The following ANAPC5 variants were observed in gnomAD, a reference collection of about 807,000 sequenced individuals.
ANAPC5 encodes anaphase promoting complex subunit 5, also known as anaphase-promoting complex subunit 5.
A neutral mutation model predicts 91.3 loss-of-function variants in ANAPC5; 60 were observed. The ratio of observed to expected loss-of-function variants is 0.66; its 90% confidence interval spans 0.53 to 0.81. The LOEUF (loss-of-function observed/expected upper bound fraction) is 0.81, where lower values mean the gene tolerates loss of function less well. Ranked by LOEUF, ANAPC5 falls within the 40% of genes least tolerant of loss-of-function variation. The probability of loss-of-function intolerance (pLI) is 0.00; values close to 1 mark genes in which losing one functional copy is unlikely to be tolerated. For missense variants in ANAPC5, 690 were observed against 931.5 expected, an observed-to-expected ratio of 0.74 and a Z score of 3.37; for synonymous variants, 340 against 364.1, an observed-to-expected ratio of 0.93 and a Z score of 0.75.
chr12:121,349,742 C>T (rs559202764), intron 1 of ANAPC5, among the ~76,000 whole-genome samples: 5 of 131,712 alleles, frequency 3.8e-5, no homozygotes, highest in African/African-American at 1.1e-4. Context: ...TTTTTGGAGA[C>T]GGATGCCCAG....
At chr12:121,344,268 G>A (rs1262262687) in intron 4 of ANAPC5, among the ~76,000 whole-genome samples, 1 of 152,152 alleles carries the variant, frequency 6.6e-6, no homozygotes, top group Non-Finnish European at 1.5e-5. Context: ...TGAGAGGTAT[G>A]GAGGAATAAA....
At chr12:121,330,799 G>T in intron 8 of ANAPC5, 127 bp from the exon 9 acceptor site, 1 of 677,156 alleles carries the variant, frequency 1.5e-6, no homozygotes. Context: ...ACTCTTTCAA[G>T]AAATATCAAG....
At chr12:121,351,138 A>T in intron 1 of ANAPC5, 1 of 438,462 alleles carries the variant, frequency 2.3e-6, no homozygotes, top group South Asian at 1.6e-5. Context: ...CTGGGAGACC[A>T]GACGGGAGGA....
At chr12:121,337,446 A>AG (rs1387812302) in intron 5 of ANAPC5, 54 bp from the exon 6 acceptor site, 2 of 1,296,458 alleles carry the variant, frequency 1.5e-6, no homozygotes, top group Non-Finnish European at 2.2e-6. Context: ...AAACATATGA[A>AG]AAGATATACT....
intron 11 of ANAPC5, among the ~76,000 whole-genome samples, chr12:121,326,033 C>T (rs1555272242): frequency 6.6e-6 from 1 of 152,178 alleles, no homozygotes; most frequent in African/African-American, 2.4e-5. Flanking sequence ...GGGGAAGCAA[C>T]CAGCTAGCCC....
At chr12:121,313,001 C>G (rs1354130120) in intron 15 of ANAPC5, among the ~76,000 whole-genome samples, 2 of 152,106 alleles carry the variant, frequency 1.3e-5, no homozygotes, top group African/African-American at 4.8e-5. Flanking sequence ...AAGAAGATCT[C>G]AAATCAATAA....
chr12:121,312,729 A>T (rs1566178256), intron 15 of ANAPC5, among the ~76,000 whole-genome samples: 1 of 150,590 alleles, frequency 6.6e-6, no homozygotes, highest in Non-Finnish European at 1.5e-5. Context: ...AAAAAAAAAA[A>T]ATTACCCTAG....
intron 4 of ANAPC5, 57 bp downstream of exon 4, chr12:121,345,782 C>T: frequency 6.6e-7 from 1 of 1,509,750 alleles, no homozygotes; most frequent in South Asian, 1.2e-5. Flanking sequence ...GGACTTATTG[C>T]ACTTGAAATT....
rs1315919690 is a variant in ANAPC5, at chr12:121,308,623, G to A, written c.2125C>T (p.Arg709Cys). 5.0e-6 allele frequency: 8 copies of A among 1,614,082 alleles called. No individual in the cohort carries two copies. The Admixed American group carries it at 5.0e-5, about 10-fold the overall frequency. ...NYFAKVDCKERIRDVVYFQAR... is the reference protein window; with the variant it reads ...NYFAKVDCKECIRDVVYFQAR... ...TGGAAGTAAACGACGTCCCTGATGC[G>A]CTCTTTGCAGTCAACCTTTGCAAAA... is the stretch of plus-strand genomic sequence containing the variant. Residue 709 changes from arginine to cysteine, a missense_variant, in exon 17 of 17, where the codon CGC becomes TGC. Arg to Cys is a radical substitution (Grantham distance 180). Transcript: ENST00000261819.
intron 7 of ANAPC5, chr12:121,333,863 C>T (rs1321177506): frequency 6.6e-6 from 1 of 152,056 alleles, no homozygotes; most frequent in African/African-American, 2.4e-5. Context: ...CATTTTTTTC[C>T]AGGCTAAACA....
At chr12:121,309,177 G>A (rs1181517905) in intron 16 of ANAPC5, among the ~76,000 whole-genome samples, 5 of 143,170 alleles carry the variant, frequency 3.5e-5, no homozygotes, top group Non-Finnish European at 7.5e-5. Context: ...AAGGCCGGGC[G>A]CAGTGGCTCA....
At chr12:121,319,442 C>T (rs1902510924) in intron 13 of ANAPC5, among the ~76,000 whole-genome samples, 1 of 151,930 alleles carries the variant, frequency 6.6e-6, no homozygotes, top group African/African-American at 2.4e-5. Flanking sequence ...CCATGTTGGC[C>T]AGGCTGGTCT....
chr12:121,353,917 C>G (rs1475856328), upstream of ANAPC5, among the ~76,000 whole-genome samples: 2 of 151,872 alleles, frequency 1.3e-5, no homozygotes, highest in African/African-American at 2.4e-5. Flanking sequence ...ATGCCAGGCT[C>G]AAGCAATCCT....
rs1488335969 is a variant in ANAPC5 at position 121,337,308 on chromosome 12, G to A, written c.742C>T (p.Pro248Ser). 2 of 1,613,404 alleles carry A rather than the reference G, an allele frequency of 1.2e-6. No homozygotes were observed. The highest frequency in any genetic ancestry group is 1.7e-6 in the Non-Finnish European group (2 of 1,179,496). Residue 248 changes from proline (P) to serine (S), a missense_variant, in exon 6 of 17, where the codon CCT becomes TCT. Physicochemically the swap from Pro to Ser is moderately conservative, Grantham distance 74. Coordinates refer to ENST00000261819, the MANE Select transcript of ANAPC5 (RefSeq NM_016237.5). ...KELNNLLKFNPDFAEAHYLSY... is the reference protein window; with the variant it reads ...KELNNLLKFNSDFAEAHYLSY... ...AGACTTACCGCTTCAGCAAAATCAG[G>A]ATTAAATTTCAACAAATTGTTTAAT...
intron 2 of ANAPC5, chr12:121,347,584 T>C (rs891289199): frequency 7.6e-6 from 4 of 525,042 alleles, no homozygotes; most frequent in Non-Finnish European, 3.4e-6. Flanking sequence ...TGAGCCCTGA[T>C]TGCACCATTG....
Position 121,318,590 on chromosome 12 carries a change from T to C in ANAPC5, c.1656A>G (p.Gln552=). 1 of 1,614,122 alleles carries C rather than the reference T, an allele frequency of 6.2e-7. No individual in the cohort carries two copies. The highest frequency in any genetic ancestry group is 8.5e-7 in the Non-Finnish European group (1 of 1,179,980). The change falls in exon 14 of 17, where the codon CAA becomes CAG. Residue 552 remains glutamine, a synonymous_variant. Coordinates refer to ENST00000261819, the MANE Select transcript of ANAPC5 (RefSeq NM_016237.5). ...EGVYRKAVVL[Q]AQNQMSEAHK... Reference sequence around the variant, plus strand: ...GTGCCTCTGACATTTGGTTCTGAGCTTGTAATACAACCGCTTTCCTGAAAC... The same window carrying C: ...GTGCCTCTGACATTTGGTTCTGAGCCTGTAATACAACCGCTTTCCTGAAAC...
chr12:121,318,188 CATT>C, intron 15 of ANAPC5, 86 bp downstream of exon 15: 4 of 1,383,266 alleles, frequency 2.9e-6, no homozygotes, highest in East Asian at 5.1e-5. Flanking sequence ...AATGAAAACT[CATT>C]ATTATCCTTT....
intron 9 of ANAPC5, among the ~76,000 whole-genome samples, chr12:121,329,610 G>A (rs1283988421): frequency 1.3e-5 from 2 of 149,232 alleles, no homozygotes; most frequent in Non-Finnish European, 3.0e-5. Flanking sequence ...CTCCAAGCTT[G>A]TGCTTCCTTT....
chr12:121,350,863 G>C (rs377231485), intron 1 of ANAPC5, among the ~76,000 whole-genome samples: 1 of 152,090 alleles, frequency 6.6e-6, no homozygotes, highest in Admixed American at 6.6e-5. Context: ...CATCACTCAC[G>C]TAACCATGAA....
Sources: gnomAD v4.1 joint callset for allele counts (sites outside exome capture counted in the v4.1 genomes callset) on GRCh38, gnomAD v4.1.1 for gene constraint, MANE v1.5 for transcripts, NCBI Gene and HGNC (gene_info 2026-07-23, HGNC 2026-07-21) for gene names.